XIRP2: variants seen among roughly 807,000 people sequenced by gnomAD.
XIRP2 encodes the protein xin actin-binding repeat-containing protein 2.
Under a neutral mutation model 277.0 loss-of-function variants are expected in XIRP2, and 236 were observed. That is an observed-to-expected ratio of 0.85 (90% CI 0.77 to 0.95). XIRP2 has a LOEUF of 0.95. Among genes scored for constraint, XIRP2 ranks in the 40% least tolerant of loss-of-function variants. XIRP2 has a pLI of 0.00. For synonymous variants in XIRP2, 1,490 were observed against 1,416.5 expected (o/e 1.05, Z -1.17); for missense variants, 4,640 against 4,157.5 (o/e 1.12, Z -3.19).
chr2:167,150,661 G>A (rs1040719239), intron 3 of XIRP2, among the ~76,000 whole-genome samples: 2 of 151,900 alleles, frequency 1.3e-5, no homozygotes, highest in African/African-American at 4.8e-5. Flanking sequence ...TTTATAGGAA[G>A]AAATCATTGT....
rs1574212417 is a variant in XIRP2, at chr2:167,057,749, A to G, written c.409-78160A>G. On this transcript the variant is annotated intron_variant, in intron 2 of 10. Coordinates refer to ENST00000409195, the MANE Select transcript of XIRP2 (RefSeq NM_152381.6). ...AGAGACAACCATAAATCCTGAAGGAATTTTCTGCTTGGTCAGAAGTAAAGA... is the reference window on the plus strand; with the variant it reads ...AGAGACAACCATAAATCCTGAAGGAGTTTTCTGCTTGGTCAGAAGTAAAGA... 2.0e-5 allele frequency among the ~76,000 whole-genome samples: 3 copies of G among 152,240 alleles called. No individual in the cohort carries two copies. The East Asian group carries it at 5.8e-4, about 29-fold the overall frequency.
intron 3 of XIRP2, among the ~76,000 whole-genome samples, chr2:167,198,817 G>A (rs184088969): frequency 1.2e-3 from 180 of 152,244 alleles, no homozygotes; most frequent in African/African-American, 4.1e-3. Flanking sequence ...GGTAAAGAAA[G>A]TGTGTTGAAT....
intron 2 of XIRP2, among the ~76,000 whole-genome samples, chr2:167,026,416 C>T (rs952387287): frequency 6.6e-6 from 1 of 152,136 alleles, no homozygotes; most frequent in African/African-American, 2.4e-5. Flanking sequence ...TCCAATTTTC[C>T]AGTCTGTGTC....
At chr2:167,132,552 A>T (rs923850351) in intron 2 of XIRP2, among the ~76,000 whole-genome samples, 3 of 151,252 alleles carry the variant, frequency 2.0e-5, no homozygotes, top group African/African-American at 7.3e-5. Flanking sequence ...ACACACACTT[A>T]AAAACATTCA....
chr2:167,217,270 A>T (rs1231282738), intron 4 of XIRP2, among the ~76,000 whole-genome samples: 5 of 143,772 alleles, frequency 3.5e-5, no homozygotes, highest in Non-Finnish European at 7.4e-5. Context: ...GTACCCTAAA[A>T]CTTAAAGTAT....
chr2:167,090,722 A>G (rs926810435), intron 2 of XIRP2, among the ~76,000 whole-genome samples: 20 of 152,028 alleles, frequency 1.3e-4, no homozygotes, highest in Non-Finnish European at 2.2e-4. Context: ...AGAGAAAGAA[A>G]CCTTAGGGGT....
chr2:166,963,823 T>C (rs1686359502), intron 2 of XIRP2, among the ~76,000 whole-genome samples: 1 of 151,798 alleles, frequency 6.6e-6, no homozygotes, highest in Non-Finnish European at 1.5e-5. Flanking sequence ...TATATTATTT[T>C]TAAATCGATG....
chr2:167,208,330 G>C (rs758682782), intron 3 of XIRP2, among the ~76,000 whole-genome samples: 1 of 151,986 alleles, frequency 6.6e-6, no homozygotes, highest in African/African-American at 2.4e-5. Context: ...AGACGGAGAC[G>C]GAGTCTCGCT....
At chr2:167,010,785 C>G (rs922428904) in intron 2 of XIRP2, among the ~76,000 whole-genome samples, 1 of 152,002 alleles carries the variant, frequency 6.6e-6, no homozygotes. Flanking sequence ...AGGTCCTTCA[C>G]GTCCCTTGTA....
At chr2:167,097,620 C>G (rs920204524) in intron 2 of XIRP2, among the ~76,000 whole-genome samples, 1 of 152,038 alleles carries the variant, frequency 6.6e-6, no homozygotes, top group Non-Finnish European at 1.5e-5. Flanking sequence ...TTATTTTGCC[C>G]ATTAGTTGAT....
chr2:167,036,782 C>A (rs1427647978), intron 2 of XIRP2, among the ~76,000 whole-genome samples: 1 of 152,062 alleles, frequency 6.6e-6, no homozygotes, highest in East Asian at 1.9e-4. Context: ...TTTTATCTCC[C>A]AGAATTCCTG....
At chr2:167,148,101 G>A (rs1439251408) in intron 3 of XIRP2, among the ~76,000 whole-genome samples, 3 of 152,068 alleles carry the variant, frequency 2.0e-5, no homozygotes, top group East Asian at 1.9e-4. Flanking sequence ...AGGAAAAGAG[G>A]CTGGGCACGG....
chr2:166,891,768 G>A (rs573470270), intron 1 of XIRP2, among the ~76,000 whole-genome samples: 33 of 152,140 alleles, frequency 2.2e-4, no homozygotes, highest in Non-Finnish European at 3.8e-4. Flanking sequence ...TGTAACCAAA[G>A]CATGAAAATA....
intron 3 of XIRP2, among the ~76,000 whole-genome samples, chr2:167,155,189 C>G (rs928375092): frequency 3.3e-5 from 5 of 150,680 alleles, no homozygotes; most frequent in Non-Finnish European, 7.4e-5. Context: ...TGGTACCATT[C>G]CTTCTGAAAC....
intron 4 of XIRP2, among the ~76,000 whole-genome samples, chr2:167,211,652 C>T (rs768340914): frequency 2.6e-5 from 4 of 152,126 alleles, no homozygotes; most frequent in Non-Finnish European, 5.9e-5. Flanking sequence ...ATATATGGTT[C>T]ATTGAAATTC....
intron 2 of XIRP2, among the ~76,000 whole-genome samples, chr2:167,132,295 T>C (rs1273185966): frequency 1.3e-5 from 2 of 152,138 alleles, no homozygotes; most frequent in African/African-American, 4.8e-5. Flanking sequence ...ACACTTTTAA[T>C]AGTTATGACT....
intron 2 of XIRP2, among the ~76,000 whole-genome samples, chr2:166,925,907 A>G (rs1296321036): frequency 6.6e-6 from 1 of 151,742 alleles, no homozygotes; most frequent in Admixed American, 6.6e-5. Context: ...CCATCTCTAC[A>G]AAATAAAAAT....
intron 2 of XIRP2, among the ~76,000 whole-genome samples, chr2:167,051,946 T>C (rs1212505276): frequency 1.3e-5 from 2 of 152,100 alleles, no homozygotes; most frequent in African/African-American, 4.8e-5. Context: ...ACCTTCTTAC[T>C]ATAAGGAAAT....
intron 5 of XIRP2, among the ~76,000 whole-genome samples, chr2:167,225,337 A>C (rs1694563777): frequency 6.6e-6 from 1 of 152,186 alleles, no homozygotes; most frequent in Non-Finnish European, 1.5e-5. Context: ...TTCAATGCTT[A>C]CAAGTGTGAG....
Sources: allele counts gnomAD v4.1 joint callset (sites outside exome capture counted in the v4.1 genomes callset), GRCh38; gene constraint gnomAD v4.1.1; transcripts MANE v1.5; gene names NCBI Gene and HGNC (gene_info 2026-07-23, HGNC 2026-07-21).